SLC4A9: variants seen among roughly 807,000 people sequenced by gnomAD.
SLC4A9 encodes the protein anion exchange protein 4.
In SLC4A9, 102 loss-of-function variants were observed where a neutral mutation model predicts 103.2. The observed-to-expected ratio is 0.99, with a 90% CI of 0.84 to 1.17. The LOEUF (loss-of-function observed/expected upper bound fraction) is 1.17, where lower values mean the gene tolerates loss of function less well. Ranked by LOEUF, SLC4A9 falls within the 50% of genes most tolerant of loss-of-function variation. The probability of loss-of-function intolerance (pLI) is 0.00; values close to 1 mark genes in which losing one functional copy is unlikely to be tolerated. For missense variants in SLC4A9, 1,091 were observed against 1,193.7 expected (o/e 0.91, Z 1.27); for synonymous variants, 453 against 483.6 (o/e 0.94, Z 0.83).
In SLC4A9 at chr5:140,362,485, G is replaced by A; in HGVS notation, c.760G>A (p.Gly254Ser). 6.2e-7 allele frequency: 1 copy of A among 1,614,018 alleles called. No homozygotes were observed. Among genetic ancestry groups the A allele is most frequent in the Non-Finnish European group, 8.5e-7 (1 of 1,179,888 alleles). ...CCTGGGCCCCTGTATGCTGGGAAAG[G>A]GCTACCATGAGATGGGACGGGCAGC... The part of the protein sequence containing the change: ...LLLGPCMLGK[G>S]YHEMGRAAAV... Residue 254 changes from glycine to serine, a missense_variant, in exon 6 of 22, where the codon GGC (glycine) becomes AGC (serine). Transcript: ENST00000506757.
chr5:140,368,499 G>C (rs963815554), intron 16 of SLC4A9, 88 bp from the exon 17 acceptor site: 1 of 1,108,390 alleles, frequency 9.0e-7, no homozygotes. Context: ...TTGCTGCCGG[G>C]GTCTGTACTG....
Position 140,363,902 on chromosome 5 carries a change from G to C in SLC4A9, c.1254G>C (p.Gln418His). The C allele has an allele frequency of 6.2e-7, 1 of 1,613,562 alleles. No homozygotes were observed. Among genetic ancestry groups the C allele is most frequent in the Non-Finnish European group, 8.5e-7 (1 of 1,179,770 alleles). The change falls in exon 9 of 22, where the codon CAG becomes CAC. Residue 418 changes from glutamine (Q) to histidine (H), a missense_variant and splice_region_variant. Coordinates refer to ENST00000506757, the MANE Select transcript of SLC4A9 (RefSeq NM_031467.3). The surrounding 1 kb of genome is among the most constrained non-coding windows in gnomAD (Gnocchi z 4.5). ...TGGGAGATGCCACTGATGGTGCCCA[G>C]GTGGGTAGGGCCCAGGGGGCAGGCA... ...GLLGDATDGAQGVLESFLGTA... is the reference protein window; with the variant it reads ...GLLGDATDGAHGVLESFLGTA...
At chr5:140,361,149 A>G (rs55779592) in intron 2 of SLC4A9, 105 bp from the exon 3 acceptor site, 34,664 of 1,229,886 alleles carry the variant, frequency 0.028, 581 homozygotes, top group Non-Finnish European at 0.035. Context: ...TGGCCCTGGC[A>G]TTCTGAGACT....
At chr5:140,373,781 C>A (rs1769077355) in intron 21 of SLC4A9, among the ~76,000 whole-genome samples, 1 of 150,052 alleles carries the variant, frequency 6.7e-6, no homozygotes, top group Admixed American at 6.6e-5. Context: ...ATAGTGAGAT[C>A]CTGTCTCTAA....
Position 140,364,073 on chromosome 5 carries a change from TG to T in SLC4A9, c.1277del (p.Gly426AlafsTer11). ...DGAQGVLESFLGTAVAGAAFC... is the reference protein window; with the variant it reads ...DGAQGVLESFXGTAVAGAAFC... The stretch of plus-strand genomic sequence containing the variant: ...TTCCAGGGAGTGCTGGAAAGTTTCC[TG>T]GGCACAGCAGTGGCTGGAGCTGCCT... On this transcript the variant is annotated frameshift_variant, in exon 10 of 22. Coordinates refer to ENST00000506757, the MANE Select transcript of SLC4A9 (RefSeq NM_031467.3). LOFTEE classifies it high-confidence loss of function. The T allele has an allele frequency of 6.4e-7, 1 of 1,557,948 alleles. No individual in the cohort carries two copies. The highest frequency in any genetic ancestry group is 8.7e-7 in the Non-Finnish European group (1 of 1,154,120).
chr5:140,367,360 T>G (rs1768027820), intron 14 of SLC4A9, 60 bp from the exon 15 acceptor site: 1 of 1,560,816 alleles, frequency 6.4e-7, no homozygotes, highest in South Asian at 1.2e-5. Context: ...GGTTGAGATG[T>G]GCAGGTGAGA....
At chr5:140,366,319 C>A in intron 14 of SLC4A9, 55 bp downstream of exon 14, 2 of 1,255,044 alleles carry the variant, frequency 1.6e-6, no homozygotes, top group South Asian at 1.4e-5. Flanking sequence ...GGCCAGCAGA[C>A]CATGGGGAAG....
At position 140,362,139 on chromosome 5, in the gene SLC4A9, A is replaced by G. The variant is rs1767179312; in HGVS notation, c.684A>G (p.Val228=). The change falls in exon 5 of 22, where the codon GTA becomes GTG. Residue 228 remains valine, a synonymous_variant. Coordinates refer to ENST00000506757, the MANE Select transcript of SLC4A9 (RefSeq NM_031467.3). ...TTGTTCGACTGCGGAACCCTGTGGT[A>G]CTGGGGTCCCTTACTGAGGTGTCCC... is the stretch of plus-strand genomic sequence containing the variant. The part of the protein sequence containing the change: ...GAFVRLRNPV[V]LGSLTEVSLP... The G allele has an allele frequency of 6.4e-7, 1 of 1,564,736 alleles. No homozygotes were observed. The highest frequency in any genetic ancestry group is 2.2e-5 in the East Asian group (1 of 44,544).
intron 6 of SLC4A9, 79 bp downstream of exon 6, chr5:140,362,611 G>A (rs1767270451): frequency 7.4e-7 from 1 of 1,345,860 alleles, no homozygotes; most frequent in Non-Finnish European, 1.1e-6. Context: ...TACATGCATG[G>A]GCTCATGTGA....
rs1344810812 is a variant in SLC4A9 at position 140,363,924 on chromosome 5, G to A, written c.1254+22G>A. ...CCAGGTGGGTAGGGCCCAGGGGGCAGGCACAAGCGTTGGTGTCCCCTAGTC... is the reference window on the plus strand; with the variant it reads ...CCAGGTGGGTAGGGCCCAGGGGGCAAGCACAAGCGTTGGTGTCCCCTAGTC... On this transcript the variant is annotated intron_variant, in intron 9 of 21. Transcript: ENST00000506757. The surrounding 1 kb of genome is among the most constrained non-coding windows in gnomAD (Gnocchi z 4.5). The A allele has an allele frequency of 6.2e-7, 1 of 1,611,000 alleles. No homozygotes were observed. The highest frequency in any genetic ancestry group is 1.7e-5 in the Admixed American group (1 of 59,896).
intron 1 of SLC4A9, 43 bp from the exon 2 acceptor site, chr5:140,360,769 G>C: frequency 6.2e-7 from 1 of 1,612,258 alleles, no homozygotes; most frequent in Non-Finnish European, 8.5e-7. Context: ...CTGGACATGG[G>C]AGAAATGCCC....
At chr5:140,374,550 C>CAAAAA (rs70988749) in intron 21 of SLC4A9, among the ~76,000 whole-genome samples, 12 of 47,672 alleles carry the variant, frequency 2.5e-4, no homozygotes, top group South Asian at 1.2e-3. Context: ...AACTCCCTCT[C>CAAAAA]AAAAAAAAAA....
At chr5:140,361,473 C>A in intron 3 of SLC4A9, 106 bp downstream of exon 3, 1 of 913,182 alleles carries the variant, frequency 1.1e-6, no homozygotes, top group Non-Finnish European at 1.7e-6. Flanking sequence ...AGTTCAGGCT[C>A]CAACCCAGGA....
Position 140,361,251 on chromosome 5 carries a change from C to A in SLC4A9, c.392-3C>A. 6.4e-7 allele frequency: 1 copy of A among 1,559,704 alleles called. No homozygotes were observed. The highest frequency in any genetic ancestry group is 2.4e-5 in the East Asian group (1 of 41,560). ...AGGAGATGACCCCCAATCCATTCTC[C>A]AGAGCAGGTGACCAGGGTGGAGTCG... On this transcript the variant is annotated splice_polypyrimidine_tract_variant and splice_region_variant and intron_variant, in intron 2 of 21. Transcript: ENST00000506757.
At position 140,360,341 on chromosome 5, in the gene SLC4A9, C is replaced by CA. The variant is rs1008980841; in HGVS notation, c.106dup (p.Ser36LysfsTer3). 2.5e-6 allele frequency: 4 copies of CA among 1,611,572 alleles called. No homozygotes were observed. In the African/African-American group the frequency reaches 5.3e-5, roughly 22 times the overall value. ...GCAACCCTGACCCTGGCACCGGCCC[C>CA]AGCCCTGATGGCCCCTCAGACACAG... On this transcript the variant is annotated frameshift_variant, in exon 1 of 22. Transcript: ENST00000506757. LOFTEE classifies it high-confidence loss of function.
chr5:140,363,915 C>G lies in SLC4A9; in HGVS notation c.1254+13C>G. 3 of 1,612,364 alleles carry G rather than the reference C, an allele frequency of 1.9e-6. No homozygotes were observed. Among genetic ancestry groups the G allele is most frequent in the Non-Finnish European group, 2.5e-6 (3 of 1,179,166 alleles). On this transcript the variant is annotated intron_variant, in intron 9 of 21. Transcript: ENST00000506757. This position sits in a 1 kb window ranked among gnomAD's most constrained non-coding sequence, Gnocchi z 4.5. Reference sequence around the variant, plus strand: ...TGATGGTGCCCAGGTGGGTAGGGCCCAGGGGGCAGGCACAAGCGTTGGTGT... The same window carrying G: ...TGATGGTGCCCAGGTGGGTAGGGCCGAGGGGGCAGGCACAAGCGTTGGTGT...
chr5:140,361,161 CCA>C, intron 2 of SLC4A9, 91 bp from the exon 3 acceptor site: 18 of 1,296,142 alleles, frequency 1.4e-5, no homozygotes, highest in Non-Finnish European at 1.9e-5. Flanking sequence ...TCTGAGACTC[CCA>C]GAAGGGAAAG....
In SLC4A9 at chr5:140,370,962, T is replaced by C. The variant is rs1561622101; in HGVS notation, c.2428-133T>C. On this transcript the variant is annotated intron_variant, in intron 17 of 21. Transcript: ENST00000506757. ...GATTCAATAAGATCGGCATGAAACA[T>C]GTGAAAGGAAAGGCAAGGCCTGGGC... 4.9e-5 allele frequency: 32 copies of C among 658,912 alleles called. 1 individual carries two copies. The South Asian group carries it at 6.1e-4, about 13-fold the overall frequency. The allele number at this position is 658,912 out of a possible 1,614,324, so 40.8% of individuals were successfully genotyped here. A position where few individuals can be genotyped will look rare whatever the true frequency, so the allele number is the denominator to read the frequency against.
chr5:140,362,893 T>A lies in SLC4A9; in HGVS notation c.808-19T>A. 6.2e-7 allele frequency: 1 copy of A among 1,613,994 alleles called. No homozygotes were observed. Among genetic ancestry groups the A allele is most frequent in the Non-Finnish European group, 8.5e-7 (1 of 1,179,870 alleles). On this transcript the variant is annotated intron_variant, in intron 6 of 21. Transcript: ENST00000506757. ...GACCAGGTTTGCACTTACCACCCATTCTGTGCCCCCATTCCCAGCAATTCC... is the reference window on the plus strand; with the variant it reads ...GACCAGGTTTGCACTTACCACCCATACTGTGCCCCCATTCCCAGCAATTCC...
Sources: allele counts gnomAD v4.1 joint callset (sites outside exome capture counted in the v4.1 genomes callset), GRCh38; gene constraint gnomAD v4.1.1; non-coding constraint Gnocchi (gnomAD v3.1); transcripts MANE v1.5; gene names NCBI Gene and HGNC (gene_info 2026-07-23, HGNC 2026-07-21).